SEMA3C: variants seen among roughly 807,000 people sequenced by gnomAD.
The protein encoded by SEMA3C is semaphorin-3C.
In SEMA3C, 47 loss-of-function variants were observed where a neutral mutation model predicts 89.4. The ratio of observed to expected loss-of-function variants is 0.53; its 90% CI spans 0.42 to 0.67. SEMA3C has a LOEUF of 0.67. Ranked by LOEUF, SEMA3C falls within the 30% of genes least tolerant of loss-of-function variation. The pLI is 0.00. For synonymous variants in SEMA3C, 310 were observed against 320.2 expected (o/e 0.97, Z 0.34); for missense variants, 839 against 929.1 (o/e 0.90, Z 1.26).
intron 2 of SEMA3C, among the ~76,000 whole-genome samples, chr7:80,877,119 T>C (rs1049341154): frequency 4.6e-5 from 7 of 152,222 alleles, no homozygotes; most frequent in African/African-American, 1.7e-4. Context: ...AGTTTGCTTC[T>C]GAGTCAGCCT....
intron 2 of SEMA3C, among the ~76,000 whole-genome samples, chr7:80,885,644 T>C (rs1245462303): frequency 1.3e-5 from 2 of 152,106 alleles, no homozygotes; most frequent in East Asian, 1.9e-4. Flanking sequence ...ATATCCTGTA[T>C]ATTGGTTGTT....
intron 9 of SEMA3C, among the ~76,000 whole-genome samples, chr7:80,802,388 A>G (rs1233614600): frequency 6.6e-6 from 1 of 152,140 alleles, no homozygotes; most frequent in Non-Finnish European, 1.5e-5. Flanking sequence ...ATCATTACCT[A>G]TACACACATT....
intron 13 of SEMA3C, 147 bp from the exon 14 acceptor site, chr7:80,761,804 A>T: frequency 1.9e-6 from 1 of 514,992 alleles, no homozygotes. Flanking sequence ...TATAAAATAC[A>T]TTTGCATATA....
intron 12 of SEMA3C, among the ~76,000 whole-genome samples, chr7:80,784,550 C>A (rs1788759328): frequency 2.0e-5 from 3 of 151,866 alleles, no homozygotes; most frequent in African/African-American, 7.3e-5. Context: ...AAAATAGCTT[C>A]TTGAAGAAGT....
At chr7:80,847,082 T>G (rs2115913423) in intron 2 of SEMA3C, among the ~76,000 whole-genome samples, 1 of 152,292 alleles carries the variant, frequency 6.6e-6, no homozygotes, top group Middle Eastern at 3.4e-3. Flanking sequence ...TTCAGGAAAC[T>G]TCAGAATAGT....
Position 80,744,650 on chromosome 7 carries a change from T to C in SEMA3C, c.*244A>G, listed in dbSNP as rs1025438574. On this transcript the variant is annotated 3_prime_UTR_variant, in exon 18 of 18. Transcript: ENST00000265361. ...ATTTTGAAGAAAAGGTGAATAAAGA[T>C]ATAAATAAAATCTGGGTTAAGTTAA... is the stretch of plus-strand genomic sequence containing the variant. The C allele has an allele frequency of 3.8e-6, 2 of 526,710 alleles. No individual in the cohort carries two copies. The highest frequency in any genetic ancestry group is 2.4e-5 in the South Asian group (1 of 41,766). The allele number at this position is 526,710 out of a possible 1,614,324, so 32.6% of individuals were successfully genotyped here.
chr7:80,910,720 G>C (rs530761308), intron 2 of SEMA3C, among the ~76,000 whole-genome samples: 7 of 144,616 alleles, frequency 4.8e-5, no homozygotes, highest in Non-Finnish European at 9.2e-5. Context: ...TTATAGCAAA[G>C]TGATAGTTTT....
intron 2 of SEMA3C, among the ~76,000 whole-genome samples, chr7:80,891,080 C>T (rs1483627904): frequency 6.6e-6 from 1 of 152,126 alleles, no homozygotes; most frequent in Admixed American, 6.6e-5. Context: ...GCAGTCTGCT[C>T]GCTTCTGCCC....
intron 2 of SEMA3C, among the ~76,000 whole-genome samples, chr7:80,879,250 A>G (rs1356564706): frequency 3.9e-5 from 6 of 152,246 alleles, no homozygotes; most frequent in African/African-American, 1.4e-4. Flanking sequence ...CTGAGCATAC[A>G]TTAATGGAAA....
intron 4 of SEMA3C, among the ~76,000 whole-genome samples, chr7:80,827,190 T>A (rs1041059377): frequency 3.3e-5 from 5 of 151,964 alleles, no homozygotes; most frequent in African/African-American, 7.3e-5. Flanking sequence ...ATGAAATGTA[T>A]CTGAATGAAA....
chr7:80,746,433 T>C (rs1787800832), intron 17 of SEMA3C, among the ~76,000 whole-genome samples: 1 of 151,526 alleles, frequency 6.6e-6, no homozygotes, highest in African/African-American at 2.4e-5. Flanking sequence ...ATTCAGAAAT[T>C]AAAGAAAGAA....
intron 12 of SEMA3C, among the ~76,000 whole-genome samples, chr7:80,777,502 G>A (rs927680202): frequency 2.0e-5 from 3 of 152,140 alleles, no homozygotes; most frequent in Non-Finnish European, 2.9e-5. Flanking sequence ...ATGTTGGCCA[G>A]GCTGGTCTCA....
At chr7:80,882,499 A>G (rs1040671008) in intron 2 of SEMA3C, among the ~76,000 whole-genome samples, 11 of 129,574 alleles carry the variant, frequency 8.5e-5, no homozygotes, top group Admixed American at 1.9e-4. Flanking sequence ...ATACGACTGT[A>G]TGAAAAAAAG....
chr7:80,884,825 TAAC>T (rs1275806175), intron 2 of SEMA3C, among the ~76,000 whole-genome samples: 2 of 152,218 alleles, frequency 1.3e-5, no homozygotes, highest in Non-Finnish European at 2.9e-5. Flanking sequence ...AAGATTGTGA[TAAC>T]AAATCAAAAA....
At chr7:80,805,535 C>A in intron 7 of SEMA3C, 104 bp downstream of exon 7, 1 of 899,752 alleles carries the variant, frequency 1.1e-6, no homozygotes, top group Non-Finnish European at 1.6e-6. Context: ...CATGTAATAG[C>A]CTGCTATTTT....
chr7:80,878,419 A>G (rs544503324), intron 2 of SEMA3C, among the ~76,000 whole-genome samples: 1 of 152,254 alleles, frequency 6.6e-6, no homozygotes, highest in Admixed American at 6.5e-5. Flanking sequence ...AATGAATATA[A>G]TTTCACAAAG....
chr7:80,747,692 G>A lies in SEMA3C; in HGVS notation c.1842+1206C>T, dbSNP rs1787832687. 3.3e-5 allele frequency among the ~76,000 whole-genome samples: 5 copies of A among 152,088 alleles called. No individual in the cohort carries two copies. In the South Asian group the frequency reaches 1.0e-3, roughly 31 times the overall value. On this transcript the variant is annotated intron_variant, in intron 17 of 17. Coordinates refer to ENST00000265361, the MANE Select transcript of SEMA3C (RefSeq NM_006379.5). ...ATAACAGATTTTACAGCAAAGAAAA[G>A]AGATCTCAAATAAATAATAATTTTC...
At chr7:80,748,339 A>C (rs1787846015) in intron 17 of SEMA3C, among the ~76,000 whole-genome samples, 1 of 152,166 alleles carries the variant, frequency 6.6e-6, no homozygotes, top group African/African-American at 2.4e-5. Context: ...TTATTTGAAA[A>C]TCTAAGGACT....
At chr7:80,809,685 A>G (rs1177126685) in intron 6 of SEMA3C, among the ~76,000 whole-genome samples, 3 of 152,216 alleles carry the variant, frequency 2.0e-5, no homozygotes, top group African/African-American at 7.2e-5. Flanking sequence ...CACAAAAGCT[A>G]AGACATGGAA....
Sources: allele counts gnomAD v4.1 joint callset (sites outside exome capture counted in the v4.1 genomes callset), GRCh38; gene constraint gnomAD v4.1.1; transcripts MANE v1.5; gene names NCBI Gene and HGNC (gene_info 2026-07-23, HGNC 2026-07-21).